MOXD1: variants seen among roughly 807,000 people sequenced by gnomAD.
MOXD1 encodes monooxygenase DBH like 1.
MOXD1 carries 62 observed loss-of-function variants against 66.6 expected under a neutral mutation model. The ratio of observed to expected loss-of-function variants is 0.93; its 90% CI spans 0.76 to 1.15. The LOEUF is 1.15. Ranked by LOEUF, MOXD1 falls within the 50% of genes most tolerant of loss-of-function variation. The pLI is 0.00. For missense variants in MOXD1, 847 were observed against 754.6 expected (o/e 1.12, Z -1.44); for synonymous variants, 303 against 281.9 (o/e 1.07, Z -0.75).
intron 4 of MOXD1, among the ~76,000 whole-genome samples, chr6:132,347,189 C>G (rs1050249558): frequency 6.6e-6 from 1 of 152,226 alleles, no homozygotes; most frequent in South Asian, 2.1e-4. Context: ...GAAATTAACA[C>G]GTATTCTTAG....
chr6:132,382,847 A>C (rs1336293707), intron 1 of MOXD1, among the ~76,000 whole-genome samples: 1 of 152,158 alleles, frequency 6.6e-6, no homozygotes, highest in Non-Finnish European at 1.5e-5. Context: ...TACCAAAAAA[A>C]CCTTGCTATG....
At chr6:132,387,631 G>A (rs1382998571) in intron 1 of MOXD1, among the ~76,000 whole-genome samples, 2 of 149,818 alleles carry the variant, frequency 1.3e-5, no homozygotes, top group African/African-American at 4.9e-5. Context: ...GTGCACGCCT[G>A]TAATCCTAGC....
chr6:132,312,300 C>G (rs982974666), intron 10 of MOXD1, among the ~76,000 whole-genome samples: 2 of 151,904 alleles, frequency 1.3e-5, no homozygotes, highest in African/African-American at 2.4e-5. Context: ...ATGAAAAGCA[C>G]AGAATAGAAG....
At chr6:132,372,508 T>C (rs768258968) in intron 4 of MOXD1, 100 bp downstream of exon 4, 22 of 1,147,272 alleles carry the variant, frequency 1.9e-5, no homozygotes, top group Non-Finnish European at 2.6e-5. Flanking sequence ...TTTCAAATAA[T>C]TGAAAAACAT....
intron 10 of MOXD1, among the ~76,000 whole-genome samples, chr6:132,314,507 G>T (rs9388981): frequency 0.081 from 12,379 of 152,176 alleles, 1,263 homozygotes; most frequent in East Asian, 0.33. Context: ...AAATCATCTG[G>T]TCCCACCTGC....
rs1306974766 is a variant in MOXD1 at position 132,349,436 on chromosome 6, CATATAT to C, written c.664-20848_664-20843del. On this transcript the variant is annotated intron_variant, in intron 4 of 11. Transcript: ENST00000367963. The stretch of plus-strand genomic sequence containing the variant: ...ATATATATATACATATATATATATA[CATATAT>C]ATATATATACATATATATATATACA... Among the ~76,000 whole-genome samples the C allele has an allele frequency of 9.4e-3, 163 of 17,274 alleles. 11 individuals carry two copies. Among genetic ancestry groups the C allele is most frequent in the Middle Eastern group, 0.042 (1 of 24 alleles). 11.3% of individuals were successfully genotyped at this position (17,274 alleles called of 152,430 possible).
intron 4 of MOXD1, among the ~76,000 whole-genome samples, chr6:132,360,560 C>T (rs748326265): frequency 6.6e-6 from 1 of 150,612 alleles, no homozygotes; most frequent in Non-Finnish European, 1.5e-5. Context: ...TTATTCTTTC[C>T]ATATGGCATG....
At position 132,296,484 on chromosome 6, in the gene MOXD1, G is replaced by GA. The variant is rs760030766; in HGVS notation, c.*668dup. 2 of 152,022 alleles carry GA rather than the reference G, an allele frequency of 1.3e-5. No homozygotes were observed. The highest frequency in any genetic ancestry group is 2.9e-5 in the Non-Finnish European group (2 of 68,024). 9.4% of individuals were successfully genotyped at this position (152,022 alleles called of 1,614,324 possible). Reference sequence around the variant, plus strand: ...CTTTTCAGATAGTGACAGAGCTCTAGAAAAAACTCATCTGGCCAGTACTAA... The same window carrying GA: ...CTTTTCAGATAGTGACAGAGCTCTAGAAAAAAACTCATCTGGCCAGTACTAA... On this transcript the variant is annotated 3_prime_UTR_variant, in exon 12 of 12. Coordinates refer to ENST00000367963, the MANE Select transcript of MOXD1 (RefSeq NM_015529.4).
intron 4 of MOXD1, among the ~76,000 whole-genome samples, chr6:132,370,325 T>A (rs1776240212): frequency 6.6e-6 from 1 of 152,080 alleles, no homozygotes; most frequent in Non-Finnish European, 1.5e-5. Context: ...TTCTACATCA[T>A]TAAAATTTTG....
chr6:132,357,455 G>A (rs1034542467), intron 4 of MOXD1, among the ~76,000 whole-genome samples: 3 of 151,970 alleles, frequency 2.0e-5, no homozygotes, highest in Non-Finnish European at 4.4e-5. Flanking sequence ...TGGCAGTCCA[G>A]TTCTTAAAGG....
Position 132,328,628 on chromosome 6 carries a change from A to C in MOXD1, c.664-34T>G, listed in dbSNP as rs114272852. Reference sequence around the variant, plus strand: ...ACATAAATGAGAGGGAGGACACAATAAATAAGACCACCCTACAACATCCCA... The same window carrying C: ...ACATAAATGAGAGGGAGGACACAATCAATAAGACCACCCTACAACATCCCA... On this transcript the variant is annotated intron_variant, in intron 4 of 11. Coordinates refer to ENST00000367963, the MANE Select transcript of MOXD1 (RefSeq NM_015529.4). 2,637 of 1,592,068 alleles carry C rather than the reference A, an allele frequency of 1.7e-3. 41 individuals are homozygous for C. The African/African-American group carries it at 0.031, about 19-fold the overall frequency.
At chr6:132,351,971 CA>C (rs1775810433) in intron 4 of MOXD1, among the ~76,000 whole-genome samples, 2 of 152,104 alleles carry the variant, frequency 1.3e-5, no homozygotes, top group Non-Finnish European at 2.9e-5. Context: ...TTATCAGTTG[CA>C]ATATCTCCCA....
At chr6:132,322,129 A>G (rs569035993) in intron 8 of MOXD1, among the ~76,000 whole-genome samples, 5 of 152,338 alleles carry the variant, frequency 3.3e-5, no homozygotes, top group African/African-American at 1.2e-4. Context: ...AAAACAAAGC[A>G]TTATAACCTT....
At chr6:132,391,944 C>T (rs1041645620) in intron 1 of MOXD1, 8 of 412,610 alleles carry the variant, frequency 1.9e-5, no homozygotes, top group African/African-American at 1.5e-4. Flanking sequence ...GTCCTTATTA[C>T]TAATGCACAA....
At chr6:132,354,804 G>T (rs1196672669) in intron 4 of MOXD1, among the ~76,000 whole-genome samples, 2 of 152,138 alleles carry the variant, frequency 1.3e-5, no homozygotes, top group African/African-American at 4.8e-5. Context: ...TCTGAGCTCA[G>T]ACTCTCCTTG....
At chr6:132,386,854 C>A (rs1776658346) in intron 1 of MOXD1, among the ~76,000 whole-genome samples, 1 of 151,136 alleles carries the variant, frequency 6.6e-6, no homozygotes, top group South Asian at 2.1e-4. Context: ...AAGCTAAATT[C>A]TTCTACTCTT....
chr6:132,299,580 G>T (rs1333701113), intron 10 of MOXD1, among the ~76,000 whole-genome samples: 2 of 152,128 alleles, frequency 1.3e-5, no homozygotes, highest in Non-Finnish European at 2.9e-5. Context: ...AGAAGTGACA[G>T]AAAAAGTGAA....
chr6:132,362,715 C>T (rs977820881), intron 4 of MOXD1, among the ~76,000 whole-genome samples: 13 of 152,184 alleles, frequency 8.5e-5, no homozygotes, highest in Admixed American at 3.3e-4. Flanking sequence ...CTTAGCTCAG[C>T]TTAAACAGAA....
At chr6:132,337,911 A>G (rs1484664724) in intron 4 of MOXD1, among the ~76,000 whole-genome samples, 1 of 152,208 alleles carries the variant, frequency 6.6e-6, no homozygotes, top group Non-Finnish European at 1.5e-5. Context: ...TTAATTTTAA[A>G]TTCATACGTA....
Sources: gnomAD v4.1 joint callset for allele counts (sites outside exome capture counted in the v4.1 genomes callset) on GRCh38, gnomAD v4.1.1 for gene constraint, MANE v1.5 for transcripts, NCBI Gene and HGNC (gene_info 2026-07-23, HGNC 2026-07-21) for gene names.